The following TCFL5 variants were observed in gnomAD, a reference collection of about 807,000 sequenced individuals.
The protein encoded by TCFL5 is transcription factor-like 5 protein.
A neutral mutation model predicts 44.3 loss-of-function variants in TCFL5; 9 were observed. The ratio of observed to expected loss-of-function variants is 0.20; its 90% confidence interval spans 0.12 to 0.35. The LOEUF is 0.35. Among genes scored for constraint, TCFL5 ranks in the 10% least tolerant of loss-of-function variants. The pLI is 1.00. For missense variants in TCFL5, 603 were observed against 613.4 expected (o/e 0.98, Z 0.18); for synonymous variants, 319 against 271.6 (o/e 1.17, Z -1.72).
intron 4 of TCFL5, 66 bp from the exon 5 acceptor site, chr20:62,854,223 G>A (rs879193628): frequency 8.2e-5 from 129 of 1,577,738 alleles, no homozygotes; most frequent in Admixed American, 4.1e-4. Flanking sequence ...AAAAGGAAGC[G>A]TCTCCTGTAG....
intron 5 of TCFL5, among the ~76,000 whole-genome samples, chr20:62,853,118 C>G (rs1179732296): frequency 6.6e-6 from 1 of 150,484 alleles, no homozygotes; most frequent in Non-Finnish European, 1.5e-5. Flanking sequence ...GTCACCCGGT[C>G]CACAGAAGTA....
rs984504072 is a variant in TCFL5, at chr20:62,861,214, G to A, written c.457C>T (p.Arg153Trp). The A allele has an allele frequency of 5.4e-6, 6 of 1,113,100 alleles. No individual in the cohort carries two copies. The highest frequency in any genetic ancestry group is 5.1e-5 in the African/African-American group (3 of 58,868). 69.0% of individuals were successfully genotyped at this position (1,113,100 alleles called of 1,614,324 possible). Reference sequence around the variant, plus strand: ...CCCTCCTTGGCGGCGCCGTCGGCCCGGGCCCTCGCTCCGTCCCCGCCGCCC... The same window carrying A: ...CCCTCCTTGGCGGCGCCGTCGGCCCAGGCCCTCGCTCCGTCCCCGCCGCCC... ...TSGGGDGARA[R>W]ADGAAKEGAG... Residue 153 changes from arginine to tryptophan, a missense_variant, in exon 1 of 6, where the codon CGG (arginine) becomes TGG (tryptophan). Physicochemically the swap from Arg to Trp is moderately radical, Grantham distance 101. Transcript: ENST00000335351. The surrounding 1 kb of genome is among the most constrained non-coding windows in gnomAD (Gnocchi z 4.0).
intron 3 of TCFL5, among the ~76,000 whole-genome samples, chr20:62,858,143 C>T (rs1035253227): frequency 1.3e-5 from 2 of 152,170 alleles, no homozygotes; most frequent in African/African-American, 2.4e-5. Flanking sequence ...ACTGCAGCAG[C>T]GTGTGTGTGT....
chr20:62,850,720 G>A (rs944496289), intron 5 of TCFL5, among the ~76,000 whole-genome samples: 6 of 152,268 alleles, frequency 3.9e-5, no homozygotes, highest in East Asian at 3.9e-4. Context: ...CAGGACTAGC[G>A]GTCCACCAGG....
At chr20:62,845,961 T>A (rs544066588) in intron 5 of TCFL5, 3 of 1,452,570 alleles carry the variant, frequency 2.1e-6, no homozygotes, top group Non-Finnish European at 2.8e-6. Flanking sequence ...TGAGCCCAGA[T>A]AGAAACTTCA....
At chr20:62,860,883 C>G (rs1398250345) in intron 1 of TCFL5, 141 bp downstream of exon 1, 6 of 682,232 alleles carry the variant, frequency 8.8e-6, no homozygotes, top group East Asian at 2.6e-4. Flanking sequence ...GCCCCAGACC[C>G]GGTGAGGTCC....
rs751200638 is a variant in TCFL5, at chr20:62,861,441, A to G, written c.230T>C (p.Leu77Pro). 7 of 1,166,308 alleles carry G rather than the reference A, an allele frequency of 6.0e-6. No homozygotes were observed. The highest frequency in any genetic ancestry group is 7.5e-6 in the Non-Finnish European group (7 of 936,786). 72.2% of individuals were successfully genotyped at this position (1,166,308 alleles called of 1,614,324 possible). ...AAADGELETRLNSALLAAAGP... is the reference protein window; with the variant it reads ...AAADGELETRPNSALLAAAGP... Reference sequence around the variant, plus strand: ...CGCCGCCGCCAGCAGCGCCGAGTTGAGGCGCGTCTCGAGCTCGCCGTCAGC... The same window carrying G: ...CGCCGCCGCCAGCAGCGCCGAGTTGGGGCGCGTCTCGAGCTCGCCGTCAGC... Residue 77 changes from leucine (L) to proline (P), a missense_variant, in exon 1 of 6, where the codon CTC becomes CCC. Physicochemically the swap from Leu to Pro is moderately conservative, Grantham distance 98. This residue lies in a region of TCFL5 where 540 missense variants were observed against 478.7 expected (regional missense o/e 1.13). Transcript: ENST00000335351. This position sits in a 1 kb window ranked among gnomAD's most constrained non-coding sequence, Gnocchi z 4.0.
intron 3 of TCFL5, 88 bp downstream of exon 3, chr20:62,859,276 G>A (rs2063947104): frequency 6.7e-6 from 9 of 1,346,368 alleles, no homozygotes; most frequent in South Asian, 1.3e-5. Flanking sequence ...CAAACCATCT[G>A]TCTCCCCTGC....
rs1213916971 is a variant in TCFL5 at position 62,841,877 on chromosome 20, G to A, written c.*98C>T. 5 of 1,510,980 alleles carry A rather than the reference G, an allele frequency of 3.3e-6. No homozygotes were observed. The highest frequency in any genetic ancestry group is 4.5e-6 in the Non-Finnish European group (5 of 1,123,018). 93.6% of individuals were successfully genotyped at this position (1,510,980 alleles called of 1,614,324 possible). ...CGTCAGCTTGAGTCACGCCCTTTTC[G>A]AGTCAGACTAGCCGAGCAGAGCTCC... On this transcript the variant is annotated 3_prime_UTR_variant, in exon 6 of 6. Transcript: ENST00000335351.
At position 62,861,649 on chromosome 20, in the gene TCFL5, C is replaced by T. The variant is rs2147310021; in HGVS notation, c.22G>A (p.Glu8Lys). 4.2e-6 allele frequency: 4 copies of T among 948,622 alleles called. No homozygotes were observed. Among genetic ancestry groups the T allele is most frequent in the Non-Finnish European group, 5.0e-6 (4 of 797,148 alleles). 58.8% of individuals were successfully genotyped at this position (948,622 alleles called of 1,614,324 possible). Reference sequence around the variant, plus strand: ...GCCGCGCCTGCCTCCGGCGGCGGCTCCCGCGGTCCGGGGCCCGACATGGCG... The same window carrying T: ...GCCGCGCCTGCCTCCGGCGGCGGCTTCCGCGGTCCGGGGCCCGACATGGCG... MSGPGPR[E>K]PPPEAGAAGG... is the part of the protein sequence containing the mutation. The change falls in exon 1 of 6, where the codon GAG becomes AAG. Residue 8 changes from glutamate to lysine, a missense_variant. Coordinates refer to ENST00000335351, the MANE Select transcript of TCFL5 (RefSeq NM_006602.4). The surrounding 1 kb of genome is among the most constrained non-coding windows in gnomAD (Gnocchi z 4.0).
Position 62,842,138 on chromosome 20 carries a change from A to G in TCFL5, c.1381-41T>C. On this transcript the variant is annotated intron_variant, in intron 5 of 5. Transcript: ENST00000335351. The surrounding 1 kb of genome is among the most constrained non-coding windows in gnomAD (Gnocchi z 4.3). The stretch of plus-strand genomic sequence containing the variant: ...GACGGTTAACATACTGAATTAACTG[A>G]CATGAAAACTGCTGTCTTCCAAAGT... 1 of 1,611,446 alleles carries G rather than the reference A, an allele frequency of 6.2e-7. No homozygotes were observed. Among genetic ancestry groups the G allele is most frequent in the South Asian group, 1.1e-5 (1 of 90,788 alleles).
intron 5 of TCFL5, among the ~76,000 whole-genome samples, chr20:62,850,555 C>T (rs565570917): frequency 1.3e-5 from 2 of 152,316 alleles, no homozygotes; most frequent in Non-Finnish European, 2.9e-5. Flanking sequence ...TGGCAGCCAT[C>T]GCCCGGCAAG....
intron 5 of TCFL5, among the ~76,000 whole-genome samples, chr20:62,843,573 A>G (rs767866271): frequency 4.6e-5 from 7 of 152,166 alleles, no homozygotes; most frequent in Non-Finnish European, 8.8e-5. Flanking sequence ...TACACGATTA[A>G]ATCCAGGTTT....
At chr20:62,857,747 C>T in intron 3 of TCFL5, 109 bp from the exon 4 acceptor site, 1 of 1,350,716 alleles carries the variant, frequency 7.4e-7, no homozygotes, top group Non-Finnish European at 1.0e-6. Flanking sequence ...ATTGGGTAAG[C>T]AGCACAGAGA....
chr20:62,841,125 T>TAA lies in TCFL5; in HGVS notation c.*848_*849dup, dbSNP rs966596555. 4.6e-6 allele frequency: 1 copy of TAA among 218,680 alleles called. No homozygotes were observed. The highest frequency in any genetic ancestry group is 9.3e-6 in the Non-Finnish European group (1 of 107,438). The allele number at this position is 218,680 out of a possible 1,614,324, so 13.5% of individuals were successfully genotyped here. A position where few individuals can be genotyped will look rare whatever the true frequency, so the allele number is the denominator to read the frequency against. ...TGACTGGCTACAGAGTAACAAAAAA[T>TAA]AAAGAATTTAATGTACAGTAAATTC... On this transcript the variant is annotated 3_prime_UTR_variant, in exon 6 of 6. Transcript: ENST00000335351.
chr20:62,848,090 G>A (rs1313323576), intron 5 of TCFL5, among the ~76,000 whole-genome samples: 1 of 152,248 alleles, frequency 6.6e-6, no homozygotes, highest in African/African-American at 2.4e-5. Context: ...AGGAAAGGAG[G>A]AGAGAAGGGA....
intron 5 of TCFL5, chr20:62,852,248 T>A: frequency 1.0e-6 from 1 of 985,442 alleles, no homozygotes; most frequent in Non-Finnish European, 1.2e-6. Flanking sequence ...TCTATTTCAC[T>A]AAGGTCTGCT....
intron 5 of TCFL5, among the ~76,000 whole-genome samples, chr20:62,846,670 G>A (rs1372317316): frequency 1.3e-5 from 2 of 151,852 alleles, no homozygotes; most frequent in Non-Finnish European, 2.9e-5. Context: ...GGAGGCTGAG[G>A]CAGGAGGAGC....
intron 5 of TCFL5, among the ~76,000 whole-genome samples, chr20:62,848,264 C>T (rs180940424): frequency 6.6e-6 from 1 of 152,348 alleles, no homozygotes; most frequent in Admixed American, 6.5e-5. Flanking sequence ...CCAGGAGTGG[C>T]TGGCACCTTC....
Sources: gnomAD v4.1 joint callset for allele counts (sites outside exome capture counted in the v4.1 genomes callset) on GRCh38, gnomAD v4.1.1 for gene constraint, gnomAD v4.1.1 regional missense constraint, Gnocchi (gnomAD v3.1) non-coding constraint, MANE v1.5 for transcripts, NCBI Gene and HGNC (gene_info 2026-07-23, HGNC 2026-07-21) for gene names.